Variants in GRM7 observed in about 807,000 individuals in gnomAD.
GRM7 encodes glutamate metabotropic receptor 7, also known as metabotropic glutamate receptor 7.
A neutral mutation model predicts 84.5 loss-of-function variants in GRM7; 35 were observed. The observed-to-expected ratio is 0.41, with a 90% CI of 0.32 to 0.55. The LOEUF (loss-of-function observed/expected upper bound fraction) is 0.55. Among genes scored for constraint, GRM7 ranks in the 20% least tolerant of loss-of-function variants. GRM7 has a pLI of 0.19. For missense variants in GRM7, 1,003 were observed against 1,194.6 expected (o/e 0.84, Z 2.36); for synonymous variants, 487 against 455.1 (o/e 1.07, Z -0.89).
intron 7 of GRM7, among the ~76,000 whole-genome samples, chr3:7,487,604 A>G (rs948098414): frequency 5.3e-5 from 8 of 152,224 alleles, no homozygotes; most frequent in Admixed American, 3.9e-4. Context: ...CCACTGCTCC[A>G]GAGGGCACAA....
At chr3:6,881,783 C>T (rs960269284) in intron 1 of GRM7, among the ~76,000 whole-genome samples, 1 of 152,064 alleles carries the variant, frequency 6.6e-6, no homozygotes, top group Non-Finnish European at 1.5e-5. Flanking sequence ...AGTAATGTGG[C>T]CACACTCAGA....
At chr3:7,526,981 T>C (rs1700833150) in intron 7 of GRM7, among the ~76,000 whole-genome samples, 1 of 152,046 alleles carries the variant, frequency 6.6e-6, no homozygotes, top group Admixed American at 6.6e-5. Context: ...GCTTTGTTCT[T>C]TTTACTTCAG....
At chr3:7,435,251 C>A (rs1296288218) in intron 5 of GRM7, among the ~76,000 whole-genome samples, 1 of 151,766 alleles carries the variant, frequency 6.6e-6, no homozygotes, top group Non-Finnish European at 1.5e-5. Flanking sequence ...GTGGCCTTGA[C>A]TTCCAGGGCT....
chr3:7,245,802 A>G (rs1697735765), intron 2 of GRM7, among the ~76,000 whole-genome samples: 1 of 152,098 alleles, frequency 6.6e-6, no homozygotes, highest in Admixed American at 6.6e-5. Context: ...CTATTCTTAT[A>G]CTATTTAAAT....
intron 1 of GRM7, among the ~76,000 whole-genome samples, chr3:7,092,458 C>T (rs1698698669): frequency 6.6e-6 from 1 of 152,068 alleles, no homozygotes; most frequent in African/African-American, 2.4e-5. Flanking sequence ...GTTTGCTTTT[C>T]TACAAAATGG....
intron 1 of GRM7, among the ~76,000 whole-genome samples, chr3:7,109,889 C>T: frequency 6.6e-6 from 1 of 152,032 alleles, no homozygotes. Context: ...ATCCAATCTT[C>T]TCATCTAGAG....
In GRM7 at chr3:7,656,518, A is replaced by T. The variant is rs1330149281; in HGVS notation, c.2452-23531A>T. 4.1e-3 allele frequency among the ~76,000 whole-genome samples: 382 copies of T among 93,276 alleles called. 5 individuals are homozygous for T. The highest frequency in any genetic ancestry group is 0.023 in the Middle Eastern group (5 of 220). 61.2% of individuals were successfully genotyped at this position (93,276 alleles called of 152,430 possible). A position where few individuals can be genotyped will look rare whatever the true frequency, so the allele number is the denominator to read the frequency against. On this transcript the variant is annotated intron_variant, in intron 8 of 9. Transcript: ENST00000357716. ...CTCAAAAAACAAACAAACAAATAAA[A>T]AAAAATATATATATATATATACGCG... is the stretch of plus-strand genomic sequence containing the variant.
At chr3:7,124,174 A>G (rs925888979) in intron 1 of GRM7, among the ~76,000 whole-genome samples, 7 of 152,236 alleles carry the variant, frequency 4.6e-5, no homozygotes, top group African/African-American at 1.7e-4. Context: ...AGCAAAAGAC[A>G]TTAAATCAGA....
intron 2 of GRM7, among the ~76,000 whole-genome samples, chr3:7,283,364 G>A (rs183723631): frequency 6.6e-6 from 1 of 151,814 alleles, no homozygotes; most frequent in African/African-American, 2.4e-5. Context: ...AGCCTGGCAT[G>A]CTAAATGCTC....
intron 1 of GRM7, among the ~76,000 whole-genome samples, chr3:6,912,318 G>A (rs1374512829): frequency 2.0e-5 from 3 of 152,142 alleles, no homozygotes; most frequent in Non-Finnish European, 1.5e-5. Context: ...TGAAGTAGGT[G>A]TTGGTGTGAA....
chr3:7,494,408 A>G (rs1467196314), intron 7 of GRM7, among the ~76,000 whole-genome samples: 5 of 152,164 alleles, frequency 3.3e-5, no homozygotes, highest in Non-Finnish European at 5.9e-5. Context: ...ATTAGTTTTC[A>G]GAAGTTTAAT....
intron 2 of GRM7, among the ~76,000 whole-genome samples, chr3:7,183,360 C>T (rs1214663858): frequency 6.6e-6 from 1 of 152,108 alleles, no homozygotes; most frequent in Non-Finnish European, 1.5e-5. Flanking sequence ...GGCGTGGTGG[C>T]TCACGCCTGT....
chr3:6,871,072 A>T (rs913102934), intron 1 of GRM7, among the ~76,000 whole-genome samples: 2 of 152,232 alleles, frequency 1.3e-5, no homozygotes, highest in African/African-American at 2.4e-5. Flanking sequence ...AAAAATAATT[A>T]TCTGAAATGA....
intron 7 of GRM7, among the ~76,000 whole-genome samples, chr3:7,509,828 A>G (rs935552304): frequency 2.0e-5 from 2 of 98,572 alleles, no homozygotes; most frequent in Non-Finnish European, 4.3e-5. Context: ...AAATCTAAGT[A>G]TCAGGGGATT....
At chr3:7,285,183 C>G (rs988105647) in intron 2 of GRM7, among the ~76,000 whole-genome samples, 1 of 152,144 alleles carries the variant, frequency 6.6e-6, no homozygotes, top group Admixed American at 6.6e-5. Context: ...TCACTACCTA[C>G]CACTTTACAG....
Position 7,360,129 on chromosome 3 carries a change from T to C in GRM7, c.1033+53477T>C, listed in dbSNP as rs1323860816. On this transcript the variant is annotated intron_variant, in intron 4 of 9. Transcript: ENST00000357716. ...GGGTATCTCTTTCTCCCCCCCTTTTTTTTCCCTCTGTGTGTGTGTGTGTGT... is the reference window on the plus strand; with the variant it reads ...GGGTATCTCTTTCTCCCCCCCTTTTCTTTCCCTCTGTGTGTGTGTGTGTGT... Among the ~76,000 whole-genome samples the C allele has an allele frequency of 1.6e-5, 2 of 124,766 alleles. 1 individual carries two copies. Among genetic ancestry groups the C allele is most frequent in the Non-Finnish European group, 3.3e-5 (2 of 60,512 alleles). The allele number at this position is 124,766 out of a possible 152,430, so 81.9% of individuals were successfully genotyped here.
intron 5 of GRM7, among the ~76,000 whole-genome samples, chr3:7,450,078 T>G (rs1368712083): frequency 2.0e-5 from 3 of 151,076 alleles, no homozygotes; most frequent in East Asian, 1.9e-4. Context: ...TATATCTAAT[T>G]AAATTTAAAA....
chr3:7,676,520 G>A (rs1700128364), intron 8 of GRM7, among the ~76,000 whole-genome samples: 1 of 152,146 alleles, frequency 6.6e-6, no homozygotes, highest in Non-Finnish European at 1.5e-5. Flanking sequence ...ATGCAGTGAT[G>A]TGATCTCCGC....
intron 8 of GRM7, among the ~76,000 whole-genome samples, chr3:7,622,900 A>G (rs1437622021): frequency 1.3e-5 from 2 of 152,140 alleles, no homozygotes; most frequent in East Asian, 1.9e-4. Context: ...CCTGCTGCCT[A>G]TAAGTCAAAG....
Sources: gnomAD v4.1 joint callset for allele counts (sites outside exome capture counted in the v4.1 genomes callset) on GRCh38, gnomAD v4.1.1 for gene constraint, MANE v1.5 for transcripts, NCBI Gene and HGNC (gene_info 2026-07-23, HGNC 2026-07-21) for gene names.